MLLT3: variants seen among roughly 807,000 people sequenced by gnomAD.
MLLT3 encodes MLLT3 super elongation complex subunit, also known as protein AF-9.
In MLLT3, 4 loss-of-function variants were observed where a neutral mutation model predicts 53.2. That is an observed-to-expected ratio of 0.08 (90% CI 0.04 to 0.17). The LOEUF (loss-of-function observed/expected upper bound fraction) is 0.17, where lower values mean the gene tolerates loss of function less well. Ranked by LOEUF, MLLT3 falls within the 10% of genes least tolerant of loss-of-function variation. The probability of loss-of-function intolerance (pLI) is 1.00; values close to 1 mark genes in which losing one functional copy is unlikely to be tolerated. For missense variants in MLLT3, 569 were observed against 684.0 expected, an observed-to-expected ratio of 0.83 and a Z score of 1.87; for synonymous variants, 283 against 230.6, an observed-to-expected ratio of 1.23 and a Z score of -2.06.
At chr9:20,431,925 G>A (rs577094383) in intron 4 of MLLT3, among the ~76,000 whole-genome samples, 1 of 152,142 alleles carries the variant, frequency 6.6e-6, no homozygotes, top group East Asian at 1.9e-4. Flanking sequence ...GCAAAGATGA[G>A]CAAACAAACA....
At position 20,414,327 on chromosome 9, in the gene MLLT3, G is replaced by GCTGCTGCTGCTGCTGCTA; in HGVS notation, c.501_518dup (p.Ser185_Ser190dup). The GCTGCTGCTGCTGCTGCTA allele has an allele frequency of 6.2e-7, 1 of 1,606,584 alleles. No homozygotes were observed. Among genetic ancestry groups the GCTGCTGCTGCTGCTGCTA allele is most frequent in the Non-Finnish European group, 8.5e-7 (1 of 1,177,946 alleles). ...TGCTGCTGCTACTGCTGCTGCTGCT[G>GCTGCTGCTGCTGCTGCTA]CTGCTGCTGCTGCTGCTACTGCTGC... On this transcript the variant is annotated inframe_insertion, in exon 5 of 11. Coordinates refer to ENST00000380338, the MANE Select transcript of MLLT3 (RefSeq NM_004529.4).
At chr9:20,497,443 C>T (rs938200587) in intron 2 of MLLT3, among the ~76,000 whole-genome samples, 2 of 152,208 alleles carry the variant, frequency 1.3e-5, no homozygotes, top group Non-Finnish European at 2.9e-5. Context: ...TTTCCCCTCC[C>T]TGCCCTGTCT....
chr9:20,475,052 G>A (rs1309280653), intron 2 of MLLT3, among the ~76,000 whole-genome samples: 1 of 152,074 alleles, frequency 6.6e-6, no homozygotes, highest in Non-Finnish European at 1.5e-5. Context: ...GTAATGGCAT[G>A]AGAAATGGCC....
chr9:20,417,320 C>T lies in MLLT3; in HGVS notation c.421-2895G>A, dbSNP rs999117583. Among the ~76,000 whole-genome samples the T allele has an allele frequency of 6.1e-5, 9 of 147,734 alleles. No homozygotes were observed. The East Asian group carries it at 9.7e-4, about 16-fold the overall frequency. The stretch of plus-strand genomic sequence containing the variant: ...GTCACTGACACAGATTAAAAGCTTT[C>T]GCTGATTTTCAGCCTATCTGATATT... On this transcript the variant is annotated intron_variant, in intron 4 of 10. Coordinates refer to ENST00000380338, the MANE Select transcript of MLLT3 (RefSeq NM_004529.4).
intron 2 of MLLT3, among the ~76,000 whole-genome samples, chr9:20,605,180 A>G (rs1820529948): frequency 6.6e-6 from 1 of 152,100 alleles, no homozygotes; most frequent in African/African-American, 2.4e-5. Context: ...TTTTTATAAA[A>G]GAAACAAACT....
chr9:20,578,138 G>A (rs369155583), intron 2 of MLLT3, among the ~76,000 whole-genome samples: 170 of 152,302 alleles, frequency 1.1e-3, no homozygotes, highest in Non-Finnish European at 1.8e-3. Flanking sequence ...CATGATAGAA[G>A]AGATAGACAA....
Position 20,344,256 on chromosome 9 carries a change from C to T in MLLT3, c.*2187G>A, listed in dbSNP as rs916254445. On this transcript the variant is annotated 3_prime_UTR_variant, in exon 11 of 11. Coordinates refer to ENST00000380338, the MANE Select transcript of MLLT3 (RefSeq NM_004529.4). ...CATTGGCAAATCATATTTTTTGCCC[C>T]ACAATTTAGTTACAGAAATAAAAAT... 9 of 198,486 alleles carry T rather than the reference C, an allele frequency of 4.5e-5. No individual in the cohort carries two copies. The highest frequency in any genetic ancestry group is 1.2e-4 in the Admixed American group (2 of 16,564). 12.3% of individuals were successfully genotyped at this position (198,486 alleles called of 1,614,324 possible). A position where few individuals can be genotyped will look rare whatever the true frequency, so the allele number is the denominator to read the frequency against.
At chr9:20,608,654 C>T (rs889338505) in intron 2 of MLLT3, among the ~76,000 whole-genome samples, 1 of 151,838 alleles carries the variant, frequency 6.6e-6, no homozygotes, top group Non-Finnish European at 1.5e-5. Context: ...GACAAGGTGG[C>T]AAAAATGTCA....
chr9:20,495,417 G>A (rs1238929756), intron 2 of MLLT3, among the ~76,000 whole-genome samples: 7 of 152,144 alleles, frequency 4.6e-5, no homozygotes, highest in African/African-American at 1.4e-4. Context: ...TAAGGTAGAA[G>A]GCAGAATGAT....
chr9:20,425,526 G>A (rs892562825), intron 4 of MLLT3, among the ~76,000 whole-genome samples: 6 of 151,916 alleles, frequency 3.9e-5, no homozygotes, highest in African/African-American at 1.2e-4. Context: ...AATACATTTT[G>A]CATTAGAAAA....
intron 2 of MLLT3, among the ~76,000 whole-genome samples, chr9:20,513,289 T>C (rs868849608): frequency 6.6e-6 from 1 of 152,114 alleles, no homozygotes; most frequent in South Asian, 2.1e-4. Context: ...AGATAGCCAC[T>C]CTCTGGGAGA....
intron 2 of MLLT3, among the ~76,000 whole-genome samples, chr9:20,471,501 G>A (rs962204884): frequency 6.6e-6 from 1 of 151,984 alleles, no homozygotes; most frequent in Non-Finnish European, 1.5e-5. Context: ...CAGCTAAACT[G>A]TGTTCTTTGC....
intron 5 of MLLT3, among the ~76,000 whole-genome samples, chr9:20,391,176 T>C (rs911585997): frequency 6.6e-6 from 1 of 152,164 alleles, no homozygotes; most frequent in African/African-American, 2.4e-5. Flanking sequence ...CCCTGGGGAA[T>C]TGGGTAGAAA....
intron 2 of MLLT3, among the ~76,000 whole-genome samples, chr9:20,484,271 T>C (rs749371416): frequency 9.2e-5 from 14 of 152,150 alleles, no homozygotes; most frequent in Non-Finnish European, 2.1e-4. Context: ...TTAGGTCTAC[T>C]AAAAATTTTC....
At chr9:20,493,803 C>T (rs1052032833) in intron 2 of MLLT3, among the ~76,000 whole-genome samples, 4 of 152,020 alleles carry the variant, frequency 2.6e-5, no homozygotes, top group African/African-American at 4.8e-5. Context: ...AAGTTTTTCA[C>T]ATTATTGTCT....
chr9:20,354,734 T>A, intron 9 of MLLT3, 74 bp downstream of exon 9: 1 of 969,396 alleles, frequency 1.0e-6, no homozygotes, highest in Non-Finnish European at 1.7e-6. Context: ...CCAGCAAGGA[T>A]GATCAAGGGC....
At chr9:20,451,180 C>G (rs988663467) in intron 3 of MLLT3, among the ~76,000 whole-genome samples, 3 of 152,092 alleles carry the variant, frequency 2.0e-5, no homozygotes, top group Admixed American at 6.5e-5. Flanking sequence ...CATGCCCCTG[C>G]CAATCTCTAC....
chr9:20,488,954 G>A (rs1042195486), intron 2 of MLLT3, among the ~76,000 whole-genome samples: 4 of 152,140 alleles, frequency 2.6e-5, no homozygotes, highest in African/African-American at 9.7e-5. Flanking sequence ...TTGGCAAAAA[G>A]TGTTTCAACT....
intron 4 of MLLT3, among the ~76,000 whole-genome samples, chr9:20,424,345 T>C (rs1372466599): frequency 6.6e-6 from 1 of 152,180 alleles, no homozygotes; most frequent in African/African-American, 2.4e-5. Flanking sequence ...AAAATCACCC[T>C]CTCCTATAAT....
Sources: allele counts gnomAD v4.1 joint callset (sites outside exome capture counted in the v4.1 genomes callset), GRCh38; gene constraint gnomAD v4.1.1; transcripts MANE v1.5; gene names NCBI Gene and HGNC (gene_info 2026-07-23, HGNC 2026-07-21).